PCDHGB2: variants seen among roughly 807,000 people sequenced by gnomAD.
The protein encoded by PCDHGB2 is protocadherin gamma-B2.
In PCDHGB2, 55 loss-of-function variants were observed where a neutral mutation model predicts 59.3. The ratio of observed to expected loss-of-function variants is 0.93; its 90% CI spans 0.75 to 1.16. PCDHGB2 has a LOEUF of 1.16. Among genes scored for constraint, PCDHGB2 ranks in the 50% most tolerant of loss-of-function variants. The pLI, the probability that PCDHGB2 is intolerant of heterozygous loss-of-function variation, is 0.00. For missense variants in PCDHGB2, 1,228 were observed against 1,198.5 expected, an observed-to-expected ratio of 1.02 and a Z score of -0.36; for synonymous variants, 516 against 512.0, an observed-to-expected ratio of 1.01 and a Z score of -0.11.
At chr5:141,510,627 G>C (rs2099881988) in intron 3 of PCDHGB2, among the ~76,000 whole-genome samples, 2 of 152,090 alleles carry the variant, frequency 1.3e-5, no homozygotes, top group South Asian at 2.1e-4. Context: ...AACCAGAAGA[G>C]GTGGTTACCA....
At chr5:141,365,775 GCGACAACGCTC>G (rs763426695) in intron 1 of PCDHGB2, 1 of 1,613,864 alleles carries the variant, frequency 6.2e-7, no homozygotes, top group East Asian at 2.2e-5. Flanking sequence ...CCCGACAGCG[GCGACAACGCTC>G]GAGTCACCTA....
intron 1 of PCDHGB2, among the ~76,000 whole-genome samples, chr5:141,473,404 T>A (rs953797915): frequency 6.6e-6 from 1 of 152,226 alleles, no homozygotes; most frequent in Non-Finnish European, 1.5e-5. Flanking sequence ...TCTTTTTTTC[T>A]TCTTCAGTGG....
intron 1 of PCDHGB2, chr5:141,415,035 C>G (rs368588973): frequency 5.6e-6 from 9 of 1,613,578 alleles, no homozygotes; most frequent in South Asian, 1.1e-5. Context: ...AGCCGGGACT[C>G]TTCGCGGTGG....
At position 141,364,322 on chromosome 5, in the gene PCDHGB2, G is replaced by A. The variant is rs572334298; in HGVS notation, c.2421+1766G>A. The A allele has an allele frequency of 2.6e-6, 4 of 1,527,038 alleles. No homozygotes were observed. In the Admixed American group the frequency reaches 6.7e-5, roughly 26 times the overall value. The allele number at this position is 1,527,038 out of a possible 1,614,324, so 94.6% of individuals were successfully genotyped here. On this transcript the variant is annotated intron_variant, in intron 1 of 3. Transcript: ENST00000522605. ...CAGAACTAAGAGAAAATTGGGCAGAGAGAAGGCAATGGCGAGTCCACCTAG... is the reference window on the plus strand; with the variant it reads ...CAGAACTAAGAGAAAATTGGGCAGAAAGAAGGCAATGGCGAGTCCACCTAG...
At chr5:141,403,949 G>C (rs1167033357) in intron 1 of PCDHGB2, 2 of 1,613,886 alleles carry the variant, frequency 1.2e-6, no homozygotes, top group Non-Finnish European at 1.7e-6. Flanking sequence ...GTGGACAAAA[G>C]TGCTCATTTC....
intron 1 of PCDHGB2, chr5:141,387,576 G>C (rs534073702): frequency 2.1e-6 from 1 of 487,618 alleles, no homozygotes; most frequent in Non-Finnish European, 3.6e-6. Context: ...TATAATTATT[G>C]CACTGGTTAA....
intron 1 of PCDHGB2, chr5:141,400,510 T>C: frequency 6.2e-7 from 1 of 1,613,972 alleles, no homozygotes; most frequent in Non-Finnish European, 8.5e-7. Context: ...CGAGTCGACT[T>C]CCCATCCTGA....
chr5:141,422,605 G>A (rs2096658595), intron 1 of PCDHGB2: 1 of 1,613,898 alleles, frequency 6.2e-7, no homozygotes, highest in Non-Finnish European at 8.5e-7. Flanking sequence ...CTCTTACTCT[G>A]CCTACATTCC....
intron 1 of PCDHGB2, chr5:141,398,734 G>C (rs768663543): frequency 6.2e-7 from 1 of 1,613,788 alleles, no homozygotes; most frequent in Non-Finnish European, 8.5e-7. Context: ...CTTAGACCGG[G>C]AACAACAGAG....
rs756612454 is a variant in PCDHGB2, at chr5:141,372,732, C to A, written c.2421+10176C>A. On this transcript the variant is annotated intron_variant, in intron 1 of 3. Coordinates refer to ENST00000522605, the MANE Select transcript of PCDHGB2 (RefSeq NM_018923.3). Reference sequence around the variant, plus strand: ...GGCTGAAAATGCTGCACCACAAGATCTTCTATGTGATGAAGCCTCTTGGTT... The same window carrying A: ...GGCTGAAAATGCTGCACCACAAGATATTCTATGTGATGAAGCCTCTTGGTT... 8 of 1,613,376 alleles carry A rather than the reference C, an allele frequency of 5.0e-6. No homozygotes were observed. In the South Asian group the frequency reaches 8.8e-5, roughly 18 times the overall value.
rs766404886 is a variant in PCDHGB2, at chr5:141,360,997, G to T, written c.862G>T (p.Val288Leu). Residue 288 changes from valine to leucine, a missense_variant, in exon 1 of 4, where the codon GTG becomes TTG. Val to Leu is a conservative substitution (Grantham distance 32, BLOSUM62 1). Coordinates refer to ENST00000522605, the MANE Select transcript of PCDHGB2 (RefSeq NM_018923.3). ...TYSFHNVDEQVKHFFNLNEKT... is the reference protein window; with the variant it reads ...TYSFHNVDEQLKHFFNLNEKT... ...CTCCTTTCATAATGTGGACGAACAA[G>T]TGAAACACTTTTTCAACTTAAATGA... The T allele has an allele frequency of 1.2e-6, 2 of 1,613,544 alleles. No individual in the cohort carries two copies. The highest frequency in any genetic ancestry group is 1.7e-5 in the Admixed American group (1 of 59,932).
chr5:141,469,128 T>C (rs567164869), intron 1 of PCDHGB2, among the ~76,000 whole-genome samples: 1 of 151,692 alleles, frequency 6.6e-6, no homozygotes, highest in East Asian at 1.9e-4. Context: ...ATTTAAAAAT[T>C]AGCCAGAAAT....
chr5:141,470,297 T>A (rs2099227289), intron 1 of PCDHGB2, among the ~76,000 whole-genome samples: 2 of 152,348 alleles, frequency 1.3e-5, no homozygotes, highest in Admixed American at 1.3e-4. Flanking sequence ...TAACTGTTTT[T>A]ATTCCATTTT....
In PCDHGB2 at chr5:141,486,585, GGGA is replaced by G; in HGVS notation, c.2422-8221_2422-8219del. The G allele has an allele frequency of 6.2e-7, 1 of 1,613,708 alleles. No individual in the cohort carries two copies. Among genetic ancestry groups the G allele is most frequent in the Non-Finnish European group, 8.5e-7 (1 of 1,180,024 alleles). On this transcript the variant is annotated intron_variant, in intron 1 of 3. Transcript: ENST00000522605. This position sits in a 1 kb window ranked among gnomAD's most constrained non-coding sequence, Gnocchi z 5.0. ...TTTGTTCCTGAGAACAATCGCCCAG[GGGA>G]CCTGCTTTGCTCCCTTGCAGCCTCT...
chr5:141,408,203 A>G (rs1299661641), intron 1 of PCDHGB2: 2 of 1,550,806 alleles, frequency 1.3e-6, no homozygotes, highest in African/African-American at 1.4e-5. Flanking sequence ...CGAGCGAACG[A>G]TGGGAGGGAG....
intron 1 of PCDHGB2, chr5:141,389,851 CCA>C (rs2091943018): frequency 6.2e-7 from 1 of 1,613,936 alleles, no homozygotes; most frequent in Non-Finnish European, 8.5e-7. Context: ...TCGGCCACTG[CCA>C]CGTTGCACCT....
chr5:141,497,211 G>T (rs914346878), intron 2 of PCDHGB2, among the ~76,000 whole-genome samples: 12 of 28,538 alleles, frequency 4.2e-4, no homozygotes, highest in African/African-American at 1.1e-3. Context: ...GAGTGTAATG[G>T]GGGGGGGAAG....
At chr5:141,445,855 T>C (rs1432695384) in intron 1 of PCDHGB2, among the ~76,000 whole-genome samples, 1 of 152,222 alleles carries the variant, frequency 6.6e-6, no homozygotes, top group Non-Finnish European at 1.5e-5. Flanking sequence ...CTTAAAATTC[T>C]GGATTTTGTT....
intron 1 of PCDHGB2, chr5:141,422,834 G>A (rs1450583869): frequency 3.1e-6 from 5 of 1,614,230 alleles, no homozygotes; most frequent in East Asian, 2.2e-5. Context: ...GTGATAGCAC[G>A]TGACAGCGGG....
Sources: gnomAD v4.1 joint callset for allele counts (sites outside exome capture counted in the v4.1 genomes callset) on GRCh38, gnomAD v4.1.1 for gene constraint, Gnocchi (gnomAD v3.1) non-coding constraint, MANE v1.5 for transcripts, NCBI Gene and HGNC (gene_info 2026-07-23, HGNC 2026-07-21) for gene names.